The following WDFY3 variants were observed in gnomAD, a reference collection of about 807,000 sequenced individuals.
WDFY3 encodes the protein WD repeat and FYVE domain containing 3.
In WDFY3, 66 loss-of-function variants were observed where a neutral mutation model predicts 409.6. That is an observed-to-expected ratio of 0.16 (90% CI 0.13 to 0.20). WDFY3 has a LOEUF of 0.20. WDFY3 is among the 10% of genes least tolerant of loss of function. WDFY3 has a pLI of 1.00. For synonymous variants in WDFY3, 1,521 were observed against 1,537.1 expected (o/e 0.99, Z 0.25); for missense variants, 3,031 against 4,298.1 (o/e 0.71, Z 8.24).
At chr4:84,745,103 T>C (rs909226432) in intron 36 of WDFY3, among the ~76,000 whole-genome samples, 12 of 152,218 alleles carry the variant, frequency 7.9e-5, no homozygotes, top group South Asian at 2.1e-4. Flanking sequence ...CTGACAACAA[T>C]TCTACTTGTA....
chr4:84,755,406 G>A lies in WDFY3; in HGVS notation c.5425-6C>T, dbSNP rs181119654. On this transcript the variant is annotated splice_polypyrimidine_tract_variant and splice_region_variant and intron_variant, in intron 33 of 67. Transcript: ENST00000295888. ...CAAATGGAATCCAAATCAAACTGCA[G>A]AGGTGAAAGGGAGCAAATATTAGCC... 1.2e-6 allele frequency: 2 copies of A among 1,603,048 alleles called. No individual in the cohort carries two copies. Among genetic ancestry groups the A allele is most frequent in the Non-Finnish European group, 1.7e-6 (2 of 1,177,416 alleles).
chr4:84,937,366 T>C (rs1193055905), intron 1 of WDFY3, among the ~76,000 whole-genome samples: 1 of 152,138 alleles, frequency 6.6e-6, no homozygotes, highest in African/African-American at 2.4e-5. Flanking sequence ...CTTTCCTAGT[T>C]CCTCCTCTTC....
chr4:84,762,146 A>G (rs999941878), intron 32 of WDFY3, among the ~76,000 whole-genome samples: 394 of 152,140 alleles, frequency 2.6e-3, no homozygotes, highest in African/African-American at 9.0e-3. Context: ...TCATGCTGCT[A>G]TAAAGACACA....
chr4:84,748,125 C>T (rs1739825155), intron 36 of WDFY3, among the ~76,000 whole-genome samples: 2 of 152,176 alleles, frequency 1.3e-5, no homozygotes, highest in Admixed American at 1.3e-4. Context: ...ATTCATTTGG[C>T]TCTTCATGAG....
chr4:84,885,335 T>TGA (rs1176880009), intron 3 of WDFY3, among the ~76,000 whole-genome samples: 53 of 56,958 alleles, frequency 9.3e-4, no homozygotes, highest in Non-Finnish European at 1.6e-3. Context: ...TACATATGTG[T>TGA]GTGTGTGTGT....
At chr4:84,928,337 A>C (rs1014571995) in intron 2 of WDFY3, among the ~76,000 whole-genome samples, 4 of 152,108 alleles carry the variant, frequency 2.6e-5, no homozygotes, top group Admixed American at 6.5e-5. Flanking sequence ...TTGGACTTGG[A>C]CTGAGTCATG....
intron 35 of WDFY3, 79 bp from the exon 36 acceptor site, chr4:84,751,795 C>T (rs951097425): frequency 4.7e-6 from 7 of 1,482,036 alleles, no homozygotes; most frequent in South Asian, 3.4e-5. Context: ...AAAAATAAAA[C>T]TGGAGCAGCA....
rs764369254 is a variant in WDFY3, at chr4:84,810,219, A to C, written c.2013T>G (p.Asn671Lys). 4 of 1,614,158 alleles carry C rather than the reference A, an allele frequency of 2.5e-6. No individual in the cohort carries two copies. The highest frequency in any genetic ancestry group is 1.6e-4 in the Middle Eastern group (1 of 6,062). Residue 671 changes from asparagine to lysine, a missense_variant, in exon 14 of 68, where the codon AAT becomes AAG. By Grantham distance (94) the Asn-to-Lys change is moderately conservative. Transcript: ENST00000295888. ...GATTCTGGTTCACTTTCTCCCAGCC[A>C]TTCTTGGGTGGACAGCTCAAAGATC... ...MERSLSCPPK[N>K]GWEKVNQNQV...
intron 40 of WDFY3, among the ~76,000 whole-genome samples, chr4:84,738,284 G>A (rs1236357867): frequency 1.3e-5 from 2 of 151,936 alleles, no homozygotes; most frequent in Non-Finnish European, 2.9e-5. Flanking sequence ...CAGGATTAGT[G>A]GGAAAACCAG....
intron 13 of WDFY3, among the ~76,000 whole-genome samples, chr4:84,813,303 C>T (rs920554340): frequency 3.9e-5 from 6 of 152,092 alleles, no homozygotes; most frequent in African/African-American, 1.4e-4. Flanking sequence ...CTCATACCGG[C>T]TCTCAAGAGG....
intron 53 of WDFY3, among the ~76,000 whole-genome samples, chr4:84,708,533 GT>G (rs994931199): frequency 8.1e-4 from 117 of 144,390 alleles, no homozygotes; most frequent in African/African-American, 2.2e-3. Context: ...GGCAACCGTA[GT>G]TTTTTTTTTT....
intron 4 of WDFY3, among the ~76,000 whole-genome samples, chr4:84,858,220 G>A (rs984083952): frequency 2.6e-5 from 4 of 152,024 alleles, no homozygotes; most frequent in Non-Finnish European, 4.4e-5. Flanking sequence ...TAACCCTCAC[G>A]ACAACCCAAT....
chr4:84,702,505 C>T lies in WDFY3; in HGVS notation c.8444G>A (p.Gly2815Asp). The change falls in exon 56 of 68, where the codon GGT (glycine) becomes GAT (aspartate). Residue 2815 changes from glycine (G) to aspartate (D), a missense_variant and splice_region_variant. Around this residue, in one of 16 missense-constraint regions of WDFY3, gnomAD observed 129 missense variants for 305.3 expected, o/e 0.42. Transcript: ENST00000295888. ...PFTQIFLRLQ[G>D]GHFDLADRMF... ...CCGGTCAGCCAGGTCAAAGTGGCCA[C>T]CCTGTGGGCAGAATAAGACACCTCT... 1 of 1,602,516 alleles carries T rather than the reference C, an allele frequency of 6.2e-7. No individual in the cohort carries two copies. Among genetic ancestry groups the T allele is most frequent in the Non-Finnish European group, 8.5e-7 (1 of 1,175,752 alleles).
intron 61 of WDFY3, among the ~76,000 whole-genome samples, chr4:84,688,827 A>G (rs773953376): frequency 2.2e-4 from 33 of 152,200 alleles, no homozygotes; most frequent in Non-Finnish European, 3.8e-4. Context: ...CCTGCTGCCA[A>G]TCGGAGATAT....
At position 84,692,919 on chromosome 4, in the gene WDFY3, T is replaced by C. The variant is rs141887771; in HGVS notation, c.9015A>G (p.Leu3005=). The C allele has an allele frequency of 6.3e-5, 102 of 1,612,906 alleles. No individual in the cohort carries two copies. Among genetic ancestry groups the C allele is most frequent in the East Asian group, 2.2e-5 (1 of 44,852 alleles). The change falls in exon 59 of 68, where the codon CTA becomes CTG. Residue 3005 remains leucine (L), a synonymous_variant. Coordinates refer to ENST00000295888, the MANE Select transcript of WDFY3 (RefSeq NM_014991.6). The part of the protein sequence containing the change: ...STSDKIFFHH[L]DNLRPSLTPV... ...GTGTTAGAGAAGGCCTCAAGTTGTC[T>C]AGATGATGAAAAAAGATCTTGTCAC...
intron 2 of WDFY3, among the ~76,000 whole-genome samples, chr4:84,915,669 C>T (rs1253415408): frequency 6.6e-6 from 1 of 152,178 alleles, no homozygotes; most frequent in African/African-American, 2.4e-5. Flanking sequence ...TCTATTTCCA[C>T]ATCTAGAATT....
chr4:84,911,554 AC>A (rs1561059207), intron 2 of WDFY3, among the ~76,000 whole-genome samples: 2 of 152,156 alleles, frequency 1.3e-5, no homozygotes, highest in South Asian at 4.1e-4. Context: ...AGATATATAC[AC>A]TTGACCCTTA....
intron 1 of WDFY3, among the ~76,000 whole-genome samples, chr4:84,965,530 A>G (rs1425781902): frequency 6.6e-6 from 1 of 152,220 alleles, no homozygotes; most frequent in Non-Finnish European, 1.5e-5. Context: ...CTCAAACACT[A>G]GCCAGATGGC....
intron 3 of WDFY3, among the ~76,000 whole-genome samples, chr4:84,873,667 A>C (rs1014411300): frequency 5.9e-5 from 9 of 152,180 alleles, no homozygotes; most frequent in Non-Finnish European, 1.2e-4. Flanking sequence ...TGAAACTGAA[A>C]AAAACAGAGA....
Sources: allele counts gnomAD v4.1 joint callset (sites outside exome capture counted in the v4.1 genomes callset), GRCh38; gene constraint gnomAD v4.1.1; regional missense constraint gnomAD v4.1.1; transcripts MANE v1.5; gene names NCBI Gene and HGNC (gene_info 2026-07-23, HGNC 2026-07-21).